Variants in ETAA1 observed in about 807,000 individuals in gnomAD.
The protein encoded by ETAA1 is ewing's tumor-associated antigen 1.
Under a neutral mutation model 76.8 loss-of-function variants are expected in ETAA1, and 49 were observed. The ratio of observed to expected loss-of-function variants is 0.64; its 90% CI spans 0.51 to 0.81. The LOEUF is 0.81. Ranked by LOEUF, ETAA1 falls within the 30% of genes least tolerant of loss-of-function variation. ETAA1 has a pLI of 0.00. For missense variants in ETAA1, 1,099 were observed against 1,074.0 expected (o/e 1.02, Z -0.32); for synonymous variants, 373 against 372.2 (o/e 1.00, Z -0.03).
chr2:67,409,002 C>G (rs562616961), intron 5 of ETAA1, among the ~76,000 whole-genome samples: 1 of 152,132 alleles, frequency 6.6e-6, no homozygotes, highest in Admixed American at 6.5e-5. Flanking sequence ...TAAAAGCCAT[C>G]AAAATCATCT....
rs1043043780 is a variant in ETAA1 at position 67,397,691 on chromosome 2, G to A, written c.223+20G>A. On this transcript the variant is annotated intron_variant, in intron 1 of 5. Coordinates refer to ENST00000272342, the MANE Select transcript of ETAA1 (RefSeq NM_019002.4). ...CCGAGGGTGAGACGTCGGCAGCGCG[G>A]CCTGCCTTGGCTTCGGCGCCGCATC... 1 of 1,542,882 alleles carries A rather than the reference G, an allele frequency of 6.5e-7. No individual in the cohort carries two copies. Among genetic ancestry groups the A allele is most frequent in the Non-Finnish European group, 8.7e-7 (1 of 1,145,796 alleles).
Position 67,404,264 on chromosome 2 carries a change from T to G in ETAA1, c.1582T>G (p.Tyr528Asp). The change falls in exon 5 of 6, where the codon TAT becomes GAT. Residue 528 changes from tyrosine (Y) to aspartate (D), a missense_variant. This residue lies in a region of ETAA1 where 761 missense variants were observed against 731.9 expected (regional missense o/e 1.04). Coordinates refer to ENST00000272342, the MANE Select transcript of ETAA1 (RefSeq NM_019002.4). ...SERKSALNTRYSNEQKNKCIL... is the reference protein window; with the variant it reads ...SERKSALNTRDSNEQKNKCIL... ...AAGGAAGTCAGCTTTGAACACAAGGTATTCTAATGAACAGAAAAATAAGTG... is the reference window on the plus strand; with the variant it reads ...AAGGAAGTCAGCTTTGAACACAAGGGATTCTAATGAACAGAAAAATAAGTG... 1 of 1,612,354 alleles carries G rather than the reference T, an allele frequency of 6.2e-7. No individual in the cohort carries two copies. Among genetic ancestry groups the G allele is most frequent in the East Asian group, 2.2e-5 (1 of 44,790 alleles).
chr2:67,400,457 TGTTTC>T (rs934604516), intron 3 of ETAA1: 5 of 151,878 alleles, frequency 3.3e-5, no homozygotes, highest in African/African-American at 1.2e-4. Context: ...TTTTTTTGAG[TGTTTC>T]GTTTCTTTTT....
Position 67,411,676 on chromosome 2 carries a change from A to G in ETAA1, c.*1638A>G, listed in dbSNP as rs1425086879. ...AGAGTTGAAAAATTGTAAGTCAACC[A>G]TTTTAAGTTGGAGACTGTACATCAA... On this transcript the variant is annotated 3_prime_UTR_variant, in exon 6 of 6. Coordinates refer to ENST00000272342, the MANE Select transcript of ETAA1 (RefSeq NM_019002.4). 6.6e-6 allele frequency: 1 copy of G among 152,106 alleles called. No individual in the cohort carries two copies. Among genetic ancestry groups the G allele is most frequent in the Non-Finnish European group, 1.5e-5 (1 of 67,992 alleles). The allele number at this position is 152,106 out of a possible 1,614,324, so 9.4% of individuals were successfully genotyped here.
In ETAA1 at chr2:67,403,550, A is replaced by C. The variant is rs764034380; in HGVS notation, c.868A>C (p.Thr290Pro). 1.9e-6 allele frequency: 3 copies of C among 1,613,508 alleles called. No homozygotes were observed. The highest frequency in any genetic ancestry group is 2.5e-6 in the Non-Finnish European group (3 of 1,179,492). The part of the protein sequence containing the change: ...AAFNAIFDGS[T>P]QKCSGQLSQE... ...CTTTAATGCTATTTTTGATGGTTCT[A>C]CTCAGAAATGTAGCGGACAGTTAAG... is the stretch of plus-strand genomic sequence containing the variant. The change falls in exon 5 of 6, where the codon ACT (threonine) becomes CCT (proline). Residue 290 changes from threonine (T) to proline (P), a missense_variant. By Grantham distance (38) the Thr-to-Pro change is conservative. This residue lies in a region of ETAA1 where 761 missense variants were observed against 731.9 expected (regional missense o/e 1.04). Transcript: ENST00000272342.
chr2:67,402,203 G>T (rs1434608922), intron 3 of ETAA1: 1 of 151,756 alleles, frequency 6.6e-6, no homozygotes, highest in African/African-American at 2.4e-5. Flanking sequence ...AAGTATCCAG[G>T]TCTAAAATGC....
At chr2:67,407,869 T>C (rs1003834075) in intron 5 of ETAA1, among the ~76,000 whole-genome samples, 1 of 152,034 alleles carries the variant, frequency 6.6e-6, no homozygotes, top group African/African-American at 2.4e-5. Flanking sequence ...TCTTGCTGTC[T>C]CAGGGGTGTC....
chr2:67,410,137 G>A lies in ETAA1; in HGVS notation c.*99G>A. ...ATTTCTCTGTGAGAAATGTAATGCT[G>A]ACTTTTATAAAGCCTGGACTTCTAC... On this transcript the variant is annotated 3_prime_UTR_variant, in exon 6 of 6. Coordinates refer to ENST00000272342, the MANE Select transcript of ETAA1 (RefSeq NM_019002.4). 1 of 1,094,564 alleles carries A rather than the reference G, an allele frequency of 9.1e-7. No individual in the cohort carries two copies. Among genetic ancestry groups the A allele is most frequent in the Non-Finnish European group, 1.3e-6 (1 of 749,938 alleles). The allele number at this position is 1,094,564 out of a possible 1,614,324, so 67.8% of individuals were successfully genotyped here.
rs1676180284 is a variant in ETAA1 at position 67,405,190 on chromosome 2, T to C, written c.2508T>C (p.Asn836=). Residue 836 remains asparagine, a synonymous_variant, in exon 5 of 6, where the codon AAT becomes AAC. Transcript: ENST00000272342. ...MKNSQILSQF[N]QNCITGSMSD... ...ATTCTCAGATTCTTTCTCAGTTTAATCAAAATTGTATAACTGGAAGTATGT... is the reference window on the plus strand; with the variant it reads ...ATTCTCAGATTCTTTCTCAGTTTAACCAAAATTGTATAACTGGAAGTATGT... The C allele has an allele frequency of 1.2e-6, 2 of 1,612,640 alleles. No homozygotes were observed. Among genetic ancestry groups the C allele is most frequent in the East Asian group, 2.2e-5 (1 of 44,794 alleles).
Position 67,399,314 on chromosome 2 carries a change from A to C in ETAA1, c.352+17A>C, listed in dbSNP as rs1675989247. 6.3e-7 allele frequency: 1 copy of C among 1,589,064 alleles called. No individual in the cohort carries two copies. The highest frequency in any genetic ancestry group is 8.6e-7 in the Non-Finnish European group (1 of 1,164,116). On this transcript the variant is annotated intron_variant, in intron 2 of 5. Coordinates refer to ENST00000272342, the MANE Select transcript of ETAA1 (RefSeq NM_019002.4). ...AGCAGTTAGGTAATTAATTATTAACATTTTTTATGTGAGTAAATATTTGAT... is the reference window on the plus strand; with the variant it reads ...AGCAGTTAGGTAATTAATTATTAACCTTTTTTATGTGAGTAAATATTTGAT...
At chr2:67,399,082 A>T in intron 1 of ETAA1, 87 bp from the exon 2 acceptor site, 2 of 1,163,224 alleles carry the variant, frequency 1.7e-6, no homozygotes, top group Non-Finnish European at 2.4e-6. Flanking sequence ...TATAAAAGTT[A>T]GTCTCAGCTA....
In ETAA1 at chr2:67,399,639, A is replaced by C; in HGVS notation, c.429+13A>C. On this transcript the variant is annotated intron_variant, in intron 3 of 5. Coordinates refer to ENST00000272342, the MANE Select transcript of ETAA1 (RefSeq NM_019002.4). ...TATTGCTCCTCAGGTAAATATCACT[A>C]GTTTTACAGTTTGTTTTAAAACAGT... 6.5e-7 allele frequency: 1 copy of C among 1,549,714 alleles called. No homozygotes were observed. The highest frequency in any genetic ancestry group is 8.8e-7 in the Non-Finnish European group (1 of 1,130,014).
At chr2:67,406,590 A>G (rs1396575942) in intron 5 of ETAA1, among the ~76,000 whole-genome samples, 2 of 152,192 alleles carry the variant, frequency 1.3e-5, no homozygotes, top group African/African-American at 2.4e-5. Context: ...AAAACAGTAT[A>G]GAATAATTTA....
intron 3 of ETAA1, chr2:67,402,278 G>C (rs1457103821): frequency 6.6e-6 from 1 of 151,594 alleles, no homozygotes; most frequent in East Asian, 1.9e-4. Flanking sequence ...TCTTATTCCT[G>C]TCTCATTCTT....
Position 67,411,106 on chromosome 2 carries a change from G to A in ETAA1, c.*1068G>A, listed in dbSNP as rs958376079. ...GACTCATCTTTTCTTCTCTATTACT[G>A]TTTTGTTTTTTTCTTTTTTTGCCAT... is the stretch of plus-strand genomic sequence containing the variant. On this transcript the variant is annotated 3_prime_UTR_variant, in exon 6 of 6. Transcript: ENST00000272342. The A allele has an allele frequency of 2.0e-5, 3 of 151,360 alleles. No homozygotes were observed. Among genetic ancestry groups the A allele is most frequent in the Non-Finnish European group, 2.9e-5 (2 of 67,826 alleles). The allele number at this position is 151,360 out of a possible 1,614,324, so 9.4% of individuals were successfully genotyped here.
intron 5 of ETAA1, 48 bp from the exon 6 acceptor site, chr2:67,409,863 G>T: frequency 1.3e-6 from 2 of 1,526,584 alleles, no homozygotes; most frequent in Non-Finnish European, 1.8e-6. Context: ...CATATTGAAT[G>T]ACTTTATAGG....
chr2:67,411,833 A>G lies in ETAA1; in HGVS notation c.*1795A>G, dbSNP rs1032187604. 4 of 151,790 alleles carry G rather than the reference A, an allele frequency of 2.6e-5. No individual in the cohort carries two copies. The highest frequency in any genetic ancestry group is 1.9e-4 in the East Asian group (1 of 5,180). 9.4% of individuals were successfully genotyped at this position (151,790 alleles called of 1,614,324 possible). A position where few individuals can be genotyped will look rare whatever the true frequency, so the allele number is the denominator to read the frequency against. On this transcript the variant is annotated 3_prime_UTR_variant, in exon 6 of 6. Transcript: ENST00000272342. ...AAAAATAAAGAGCTGAGAATCTTTT[A>G]CTAAAAGTGGCTTCACTGTGTTCTG...
At chr2:67,397,926 G>A (rs969295864) in intron 1 of ETAA1, among the ~76,000 whole-genome samples, 1 of 152,214 alleles carries the variant, frequency 6.6e-6, no homozygotes, top group Non-Finnish European at 1.5e-5. Context: ...TTACCTGTTT[G>A]CGGGAGGGCG....
chr2:67,398,755 T>C (rs1675970905), intron 1 of ETAA1, among the ~76,000 whole-genome samples: 1 of 152,218 alleles, frequency 6.6e-6, no homozygotes, highest in Non-Finnish European at 1.5e-5. Flanking sequence ...TTTTGAAGAA[T>C]GGCAATTAAT....
Sources: allele counts gnomAD v4.1 joint callset (sites outside exome capture counted in the v4.1 genomes callset), GRCh38; gene constraint gnomAD v4.1.1; regional missense constraint gnomAD v4.1.1; transcripts MANE v1.5; gene names NCBI Gene and HGNC (gene_info 2026-07-23, HGNC 2026-07-21).